PRKAR1B: variants seen among roughly 807,000 people sequenced by gnomAD.
PRKAR1B encodes protein kinase cAMP-dependent type I regulatory subunit beta, also known as cAMP-dependent protein kinase type I-beta regulatory subunit.
PRKAR1B carries 22 observed loss-of-function variants against 46.5 expected under a neutral mutation model. That is an observed-to-expected ratio of 0.47 (90% CI 0.34 to 0.68). PRKAR1B has a LOEUF of 0.68. Ranked by LOEUF, PRKAR1B falls within the 30% of genes least tolerant of loss-of-function variation. The pLI, the probability that PRKAR1B is intolerant of heterozygous loss-of-function variation, is 0.01. For missense variants in PRKAR1B, 445 were observed against 535.6 expected, an observed-to-expected ratio of 0.83 and a Z score of 1.67; for synonymous variants, 259 against 217.7, an observed-to-expected ratio of 1.19 and a Z score of -1.67.
intron 9 of PRKAR1B, among the ~76,000 whole-genome samples, chr7:555,864 G>A (rs371707145): frequency 3.9e-5 from 6 of 152,170 alleles, no homozygotes; most frequent in South Asian, 2.1e-4. Context: ...GGGGTGCTGC[G>A]AATTGGCAGA....
chr7:604,581 A>C (rs140738979), intron 6 of PRKAR1B, among the ~76,000 whole-genome samples: 1 of 152,008 alleles, frequency 6.6e-6, no homozygotes, highest in Non-Finnish European at 1.5e-5. Context: ...CGTGCCCCCC[A>C]CGGGGAGGCG....
rs67281859 is a variant in PRKAR1B, at chr7:578,682, CT to C, written c.891+573del. 9.9e-3 allele frequency: 1,403 copies of C among 142,010 alleles called. 13 individuals carry two copies. The highest frequency in any genetic ancestry group is 0.02 in the African/African-American group (755 of 36,980). 8.8% of individuals were successfully genotyped at this position (142,010 alleles called of 1,614,324 possible). A position where few individuals can be genotyped will look rare whatever the true frequency, so the allele number is the denominator to read the frequency against. On this transcript the variant is annotated intron_variant, in intron 9 of 10. Transcript: ENST00000537384. ...GGTTTTGTGCAGGTTTTTTATTTTA[CT>C]TTTTTTTTTTTTTTTTGAGACGGAA...
intron 9 of PRKAR1B, chr7:565,107 G>C (rs924406403): frequency 6.6e-6 from 1 of 152,212 alleles, no homozygotes; most frequent in Non-Finnish European, 1.5e-5. Context: ...TCAGGGTTTC[G>C]CAGGAGACTG....
chr7:575,146 G>A lies in PRKAR1B; in HGVS notation c.891+4110C>T, dbSNP rs555262818. ...GGGCTCAGCCGGGCGGTTCTCACTC[G>A]GGGTCTCCCCTGGGGTTGCATCCAG... On this transcript the variant is annotated intron_variant, in intron 9 of 10. Coordinates refer to ENST00000537384, the MANE Select transcript of PRKAR1B (RefSeq NM_001164760.2). 1.2e-4 allele frequency among the ~76,000 whole-genome samples: 19 copies of A among 152,334 alleles called. 1 individual carries two copies. In the South Asian group the frequency reaches 3.5e-3, roughly 28 times the overall value.
intron 1 of PRKAR1B, among the ~76,000 whole-genome samples, chr7:715,739 A>G (rs1034364312): frequency 9.2e-5 from 14 of 151,624 alleles, no homozygotes; most frequent in Admixed American, 2.6e-4. Context: ...TTTTTGAGAC[A>G]GAGTCTCATT....
At chr7:556,614 G>A (rs1012930244) in intron 9 of PRKAR1B, among the ~76,000 whole-genome samples, 42 of 152,290 alleles carry the variant, frequency 2.8e-4, no homozygotes, top group Admixed American at 1.9e-3. Context: ...TCCCCGAGGC[G>A]TCCGCGTTCA....
At chr7:625,388 GA>G (rs1562570537) in intron 4 of PRKAR1B, among the ~76,000 whole-genome samples, 2 of 152,108 alleles carry the variant, frequency 1.3e-5, no homozygotes, top group Non-Finnish European at 2.9e-5. Context: ...GCAACAAAAA[GA>G]AAAGTAAGAA....
chr7:726,310 C>G (rs894380223), intron 1 of PRKAR1B, among the ~76,000 whole-genome samples: 7 of 152,196 alleles, frequency 4.6e-5, no homozygotes, highest in Admixed American at 1.3e-4. Flanking sequence ...CGGACCTTCC[C>G]AAAGCCAGAG....
intron 9 of PRKAR1B, among the ~76,000 whole-genome samples, chr7:568,233 A>C (rs999646449): frequency 6.6e-6 from 1 of 150,528 alleles, no homozygotes; most frequent in Non-Finnish European, 1.5e-5. Context: ...CACGTTTCCC[A>C]CCCCTGTCCT....
At chr7:571,103 A>G (rs944490662) in intron 9 of PRKAR1B, among the ~76,000 whole-genome samples, 1 of 152,196 alleles carries the variant, frequency 6.6e-6, no homozygotes, top group Non-Finnish European at 1.5e-5. Context: ...CCTCCTCCAG[A>G]AGGCGGCCCC....
intron 4 of PRKAR1B, among the ~76,000 whole-genome samples, chr7:673,979 C>T (rs141755007): frequency 2.0e-3 from 307 of 152,338 alleles, no homozygotes; most frequent in African/African-American, 7.1e-3. Context: ...GGCCTCTTCC[C>T]CTTCTGTGTG....
intron 4 of PRKAR1B, among the ~76,000 whole-genome samples, chr7:612,048 CGG>C (rs1782531600): frequency 7.7e-6 from 1 of 130,448 alleles, no homozygotes; most frequent in Admixed American, 7.7e-5. Flanking sequence ...AGTAGAATAA[CGG>C]ATGGATGGAT....
chr7:703,111 A>G (rs1381743391), intron 2 of PRKAR1B, among the ~76,000 whole-genome samples: 1 of 152,230 alleles, frequency 6.6e-6, no homozygotes, highest in Admixed American at 6.5e-5. Context: ...GGCTGTATTA[A>G]TATCAGATAA....
At position 551,381 on chromosome 7, in the gene PRKAR1B, G is replaced by A. The variant is rs765473497; in HGVS notation, c.973+8C>T. 6.4e-7 allele frequency: 1 copy of A among 1,553,942 alleles called. No homozygotes were observed. Among genetic ancestry groups the A allele is most frequent in the Non-Finnish European group, 8.7e-7 (1 of 1,148,602 alleles). The stretch of plus-strand genomic sequence containing the variant: ...CCGTGCGAGGGAGGGGACGCCCACT[G>A]GACTCACCGAAGTAGTCAGAGGGTC... On this transcript the variant is annotated splice_region_variant and intron_variant, in intron 10 of 10. Transcript: ENST00000537384.
intron 4 of PRKAR1B, among the ~76,000 whole-genome samples, chr7:639,518 A>G (rs1292751279): frequency 6.6e-6 from 1 of 152,208 alleles, no homozygotes; most frequent in East Asian, 1.9e-4. Context: ...TGGGTGAAGC[A>G]AAGAGATTTT....
intron 2 of PRKAR1B, among the ~76,000 whole-genome samples, chr7:700,877 C>A (rs796099027): frequency 2.2e-4 from 33 of 152,206 alleles, no homozygotes; most frequent in African/African-American, 7.7e-4. Flanking sequence ...GAGAGATCAA[C>A]AGAAATCATC....
intron 1 of PRKAR1B, 72 bp downstream of exon 1, chr7:727,138 G>T: frequency 1.6e-6 from 2 of 1,232,630 alleles, no homozygotes; most frequent in Non-Finnish European, 2.0e-6. Context: ...GGCCTGTGAG[G>T]AGCTGCGCCT....
At chr7:582,390 C>T (rs543016091) in intron 8 of PRKAR1B, among the ~76,000 whole-genome samples, 1 of 152,266 alleles carries the variant, frequency 6.6e-6, no homozygotes, top group South Asian at 2.1e-4. Context: ...GCCATCCCTC[C>T]GGCCAAGCTG....
chr7:611,170 A>C, intron 4 of PRKAR1B, among the ~76,000 whole-genome samples: 1 of 152,252 alleles, frequency 6.6e-6, no homozygotes. Flanking sequence ...GTCAGGCTGA[A>C]GCCCCTATCA....
Sources: gnomAD v4.1 joint callset for allele counts (sites outside exome capture counted in the v4.1 genomes callset) on GRCh38, gnomAD v4.1.1 for gene constraint, MANE v1.5 for transcripts, NCBI Gene and HGNC (gene_info 2026-07-23, HGNC 2026-07-21) for gene names.